SHISA9: variants seen among roughly 807,000 people sequenced by gnomAD.
SHISA9 encodes the protein protein shisa-9.
SHISA9 carries 13 observed loss-of-function variants against 38.0 expected under a neutral mutation model. The observed-to-expected ratio is 0.34, with a 90% CI of 0.22 to 0.54. The LOEUF (loss-of-function observed/expected upper bound fraction) is 0.54, where lower values mean the gene tolerates loss of function less well. Among genes scored for constraint, SHISA9 ranks in the 20% least tolerant of loss-of-function variants. SHISA9 has a pLI of 0.91. For missense variants in SHISA9, 538 were observed against 575.8 expected (o/e 0.93, Z 0.67); for synonymous variants, 275 against 242.0 (o/e 1.14, Z -1.27).
chr16:13,502,108 G>C, the SHISA9 span, among the ~76,000 whole-genome samples: 2 of 152,078 alleles, frequency 1.3e-5, no homozygotes, highest in Admixed American at 1.3e-4. Flanking sequence ...ATGAAATAAA[G>C]GAATATATTT....
At chr16:13,357,094 G>T in the SHISA9 span, among the ~76,000 whole-genome samples, 307 of 152,116 alleles carry the variant, frequency 2.0e-3, no homozygotes, top group African/African-American at 7.0e-3. Flanking sequence ...AGAAGGGGTG[G>T]AGGGTTCTTG....
chr16:12,961,658 C>A (rs1405350616), intron 2 of SHISA9, among the ~76,000 whole-genome samples: 3 of 152,000 alleles, frequency 2.0e-5, no homozygotes, highest in Non-Finnish European at 4.4e-5. Flanking sequence ...GAACAGTGAC[C>A]GCATCATATA....
At chr16:13,109,995 C>T (rs904217577) in intron 2 of SHISA9, among the ~76,000 whole-genome samples, 2 of 152,134 alleles carry the variant, frequency 1.3e-5, no homozygotes, top group Admixed American at 1.3e-4. Flanking sequence ...CACATGTTTT[C>T]ATTTCTTTTG....
intron 2 of SHISA9, among the ~76,000 whole-genome samples, chr16:13,115,252 C>G (rs1382690780): frequency 6.6e-6 from 1 of 152,190 alleles, no homozygotes; most frequent in Non-Finnish European, 1.5e-5. Context: ...ATTAAAGACA[C>G]ACACACAGAA....
At chr16:13,161,796 A>C (rs1262954695) in intron 2 of SHISA9, among the ~76,000 whole-genome samples, 1 of 150,740 alleles carries the variant, frequency 6.6e-6, no homozygotes, top group Non-Finnish European at 1.5e-5. Flanking sequence ...TATAAGAAAA[A>C]CCCTCGTTTT....
intron 1 of SHISA9, among the ~76,000 whole-genome samples, chr16:12,903,375 C>T (rs2071048040): frequency 6.6e-6 from 1 of 152,198 alleles, no homozygotes; most frequent in Admixed American, 6.5e-5. Context: ...CCCCTCCTCG[C>T]GCGCCCTCAC....
At chr16:13,229,622 T>C (rs1450583099) in intron 4 of SHISA9, among the ~76,000 whole-genome samples, 1 of 152,174 alleles carries the variant, frequency 6.6e-6, no homozygotes, top group East Asian at 1.9e-4. Context: ...TCTGAACACT[T>C]TTAAAGCTCC....
chr16:13,482,801 TAAA>T, the SHISA9 span, among the ~76,000 whole-genome samples: 1 of 112,566 alleles, frequency 8.9e-6, no homozygotes. Flanking sequence ...ATCCTGTCAC[TAAA>T]AAAAAAAAAA....
At chr16:13,160,585 A>G (rs959360431) in intron 2 of SHISA9, among the ~76,000 whole-genome samples, 4 of 152,210 alleles carry the variant, frequency 2.6e-5, no homozygotes, top group South Asian at 2.1e-4. Flanking sequence ...CGTTTTGTCA[A>G]TGCAGTCAAA....
At chr16:13,510,443 C>G in the SHISA9 span, among the ~76,000 whole-genome samples, 2 of 152,200 alleles carry the variant, frequency 1.3e-5, no homozygotes, top group Non-Finnish European at 2.9e-5. Flanking sequence ...TTTACTATAT[C>G]ACGTTAACAA....
At chr16:13,035,149 A>G (rs1005636156) in intron 2 of SHISA9, among the ~76,000 whole-genome samples, 2 of 152,172 alleles carry the variant, frequency 1.3e-5, no homozygotes, top group Non-Finnish European at 2.9e-5. Context: ...CAGAAAACTG[A>G]TATGTTTGGA....
chr16:13,265,750 C>T, the SHISA9 span, among the ~76,000 whole-genome samples: 1 of 151,918 alleles, frequency 6.6e-6, no homozygotes. Context: ...TTCCTTCTTT[C>T]TAAAAGTGGA....
chr16:13,376,348 T>G, the SHISA9 span, among the ~76,000 whole-genome samples: 2 of 152,240 alleles, frequency 1.3e-5, no homozygotes, highest in Non-Finnish European at 2.9e-5. Context: ...TCCTGGAGCC[T>G]GACTGATTCT....
rs2073884993 is a variant in SHISA9, at chr16:13,102,156, G to C, written c.692-101238G>C. 2.0e-5 allele frequency among the ~76,000 whole-genome samples: 3 copies of C among 152,188 alleles called. No homozygotes were observed. The South Asian group carries it at 6.2e-4, about 32-fold the overall frequency. ...CTACTAATCTGAGGAAGGCTCACCT[G>C]GGGTTGTGTCCTGTCTACGAGAACC... On this transcript the variant is annotated intron_variant, in intron 2 of 4. Transcript: ENST00000558583.
intron 2 of SHISA9, among the ~76,000 whole-genome samples, chr16:12,923,971 A>G (rs2141731657): frequency 6.6e-6 from 1 of 152,310 alleles, no homozygotes; most frequent in African/African-American, 2.4e-5. Context: ...TTTGAGTCTC[A>G]GGAGGGGTAG....
At chr16:13,351,366 G>T in the SHISA9 span, among the ~76,000 whole-genome samples, 2 of 150,172 alleles carry the variant, frequency 1.3e-5, no homozygotes, top group African/African-American at 4.9e-5. Flanking sequence ...CTAACCTTCA[G>T]TTCACTGACT....
At chr16:13,197,959 CA>C (rs2050964246) in intron 2 of SHISA9, among the ~76,000 whole-genome samples, 1 of 152,050 alleles carries the variant, frequency 6.6e-6, no homozygotes, top group African/African-American at 2.4e-5. Flanking sequence ...CCAAGGCGGG[CA>C]GATCACCTGA....
intron 2 of SHISA9, among the ~76,000 whole-genome samples, chr16:13,019,588 T>C (rs760797939): frequency 2.0e-5 from 3 of 152,110 alleles, no homozygotes; most frequent in Non-Finnish European, 4.4e-5. Context: ...TGTGCAACTG[T>C]CACCACTCTT....
At chr16:13,285,133 A>G in the SHISA9 span, among the ~76,000 whole-genome samples, 1 of 151,972 alleles carries the variant, frequency 6.6e-6, no homozygotes, top group Admixed American at 6.6e-5. Flanking sequence ...ATGGCTTTAA[A>G]ATTTTGTATT....
Sources: allele counts gnomAD v4.1 joint callset (sites outside exome capture counted in the v4.1 genomes callset), GRCh38; gene constraint gnomAD v4.1.1; transcripts MANE v1.5; gene names NCBI Gene and HGNC (gene_info 2026-07-23, HGNC 2026-07-21).